Variants in RNGTT observed in about 807,000 individuals in gnomAD.
RNGTT encodes the protein mRNA-capping enzyme.
RNGTT carries 33 observed loss-of-function variants against 79.3 expected under a neutral mutation model. The observed-to-expected ratio is 0.42, with a 90% CI of 0.32 to 0.56. The LOEUF (loss-of-function observed/expected upper bound fraction) is 0.56. Among genes scored for constraint, RNGTT ranks in the 20% least tolerant of loss-of-function variants. The probability of loss-of-function intolerance (pLI) is 0.17; values close to 1 mark genes in which losing one functional copy is unlikely to be tolerated. For missense variants in RNGTT, 497 were observed against 739.1 expected, an observed-to-expected ratio of 0.67 and a Z score of 3.80; for synonymous variants, 222 against 235.9, an observed-to-expected ratio of 0.94 and a Z score of 0.54.
chr6:88,913,210 A>AAAC, intron 4 of RNGTT, among the ~76,000 whole-genome samples: 1 of 132,686 alleles, frequency 7.5e-6, no homozygotes, highest in East Asian at 2.0e-4. Flanking sequence ...GTCTCAAAAA[A>AAAC]AAACAAAAAA....
intron 13 of RNGTT, among the ~76,000 whole-genome samples, chr6:88,764,736 T>C (rs894950450): frequency 6.6e-6 from 1 of 152,180 alleles, no homozygotes. Context: ...CATCTCTCCT[T>C]TCACAAAATT....
rs61433101 is a variant in RNGTT, at chr6:88,651,270, T to C, written c.1506+27083A>G. ...GGGTTCAAGAACTATAATAATATACTATATATGACAATAATGCAATAGAAA... is the reference window on the plus strand; with the variant it reads ...GGGTTCAAGAACTATAATAATATACCATATATGACAATAATGCAATAGAAA... On this transcript the variant is annotated intron_variant, in intron 14 of 15. Transcript: ENST00000369485. Among the ~76,000 whole-genome samples the C allele has an allele frequency of 2.9e-3, 443 of 152,260 alleles. 1 individual carries two copies. Among genetic ancestry groups the C allele is most frequent in the African/African-American group, 0.01 (417 of 41,554 alleles).
intron 11 of RNGTT, among the ~76,000 whole-genome samples, chr6:88,806,903 T>C (rs549096478): frequency 3.9e-5 from 6 of 152,316 alleles, no homozygotes; most frequent in Non-Finnish European, 7.3e-5. Flanking sequence ...AATGGAATAC[T>C]ATGCAGCCAC....
Position 88,790,309 on chromosome 6 carries a change from G to C in RNGTT, c.1338+11255C>G, listed in dbSNP as rs115059838. Among the ~76,000 whole-genome samples the C allele has an allele frequency of 2.1e-3, 321 of 152,296 alleles. 1 individual carries two copies. Among genetic ancestry groups the C allele is most frequent in the Middle Eastern group, 6.8e-3 (2 of 294 alleles). On this transcript the variant is annotated intron_variant, in intron 12 of 15. Transcript: ENST00000369485. Reference sequence around the variant, plus strand: ...TAAGGCATAGGACATAAAACAAGGAGACCAGGGAAAGTCTATAGAAGGACC... The same window carrying C: ...TAAGGCATAGGACATAAAACAAGGACACCAGGGAAAGTCTATAGAAGGACC...
chr6:88,753,480 G>A (rs1313137591), intron 13 of RNGTT, among the ~76,000 whole-genome samples: 1 of 151,712 alleles, frequency 6.6e-6, no homozygotes, highest in African/African-American at 2.4e-5. Flanking sequence ...CTCTAGCCTA[G>A]GCAACAGAGT....
chr6:88,702,653 A>G (rs1291292592), intron 13 of RNGTT, among the ~76,000 whole-genome samples: 1 of 152,224 alleles, frequency 6.6e-6, no homozygotes, highest in Non-Finnish European at 1.5e-5. Flanking sequence ...GGCCTTGGGA[A>G]AGAATTTATG....
intron 5 of RNGTT, 123 bp from the exon 6 acceptor site, chr6:88,905,078 A>ATCC: frequency 1.7e-6 from 2 of 1,195,272 alleles, no homozygotes; most frequent in Non-Finnish European, 2.3e-6. Context: ...AAATGGGCAA[A>ATCC]TCACAATCCT....
At chr6:88,792,412 AG>A (rs1779452512) in intron 12 of RNGTT, among the ~76,000 whole-genome samples, 1 of 152,218 alleles carries the variant, frequency 6.6e-6, no homozygotes, top group African/African-American at 2.4e-5. Flanking sequence ...ACTGGTAAAA[AG>A]GAAATTGATG....
chr6:88,643,881 A>G (rs1773423985), intron 14 of RNGTT, among the ~76,000 whole-genome samples: 1 of 152,240 alleles, frequency 6.6e-6, no homozygotes, highest in African/African-American at 2.4e-5. Flanking sequence ...ATGGCACTAA[A>G]TGCCCACAAG....
chr6:88,772,340 G>T (rs1305128373), intron 12 of RNGTT, among the ~76,000 whole-genome samples: 4 of 151,878 alleles, frequency 2.6e-5, no homozygotes, highest in Non-Finnish European at 4.4e-5. Flanking sequence ...GTGTTAAGAT[G>T]TCAATACTCC....
intron 8 of RNGTT, among the ~76,000 whole-genome samples, chr6:88,887,299 A>T (rs545116097): frequency 1.3e-4 from 20 of 152,326 alleles, no homozygotes; most frequent in African/African-American, 4.6e-4. Context: ...TTTAACGACG[A>T]TGGAGTCCAG....
At chr6:88,677,120 A>G (rs981844026) in intron 14 of RNGTT, among the ~76,000 whole-genome samples, 5 of 152,228 alleles carry the variant, frequency 3.3e-5, no homozygotes, top group African/African-American at 1.2e-4. Context: ...AACTAGCGAT[A>G]AGTGCAATAA....
At chr6:88,769,024 G>A (rs998184605) in intron 13 of RNGTT, among the ~76,000 whole-genome samples, 1 of 152,046 alleles carries the variant, frequency 6.6e-6, no homozygotes, top group Non-Finnish European at 1.5e-5. Flanking sequence ...GACTTATTTC[G>A]ATATGCTTAA....
At chr6:88,754,272 A>T (rs982688867) in intron 13 of RNGTT, among the ~76,000 whole-genome samples, 2 of 152,194 alleles carry the variant, frequency 1.3e-5, no homozygotes, top group African/African-American at 4.8e-5. Context: ...AAGATTGGAA[A>T]ATTAGCAAAT....
chr6:88,774,781 G>A (rs986151379), intron 12 of RNGTT, among the ~76,000 whole-genome samples: 4 of 152,062 alleles, frequency 2.6e-5, no homozygotes, highest in Non-Finnish European at 4.4e-5. Context: ...CATGGTGACC[G>A]AAAGTAGATT....
chr6:88,654,761 A>G (rs2127779350), intron 14 of RNGTT, among the ~76,000 whole-genome samples: 1 of 152,292 alleles, frequency 6.6e-6, no homozygotes, highest in Middle Eastern at 3.4e-3. Context: ...GACAAGTCCT[A>G]CCCTGAAGCA....
intron 2 of RNGTT, among the ~76,000 whole-genome samples, chr6:88,930,484 TA>T (rs1308653877): frequency 1.3e-5 from 2 of 151,844 alleles, no homozygotes; most frequent in Non-Finnish European, 2.9e-5. Context: ...GGAAAAAGAT[TA>T]AAAAATTAAA....
In RNGTT at chr6:88,929,091, GT is replaced by G; in HGVS notation, c.279-19del. 2 of 1,598,048 alleles carry G rather than the reference GT, an allele frequency of 1.3e-6. No individual in the cohort carries two copies. Among genetic ancestry groups the G allele is most frequent in the East Asian group, 2.2e-5 (1 of 44,660 alleles). On this transcript the variant is annotated intron_variant, in intron 3 of 15. Transcript: ENST00000369485. ...CACCATGTCTAGTAATATAGAAAAA[GT>G]TTTTTTGAAAAAAGAGATTACAAAT...
In RNGTT at chr6:88,921,907, C is replaced by T. The variant is rs535831482; in HGVS notation, c.367+7078G>A. 5.1e-4 allele frequency among the ~76,000 whole-genome samples: 77 copies of T among 152,072 alleles called. 1 individual carries two copies. The highest frequency in any genetic ancestry group is 1.0e-3 in the Non-Finnish European group (68 of 68,010). On this transcript the variant is annotated intron_variant, in intron 4 of 15. Coordinates refer to ENST00000369485, the MANE Select transcript of RNGTT (RefSeq NM_003800.5). ...ATACCTAGAGGTGATTCAAAGAAAACGGCAGGATGTTCATAGGTCATATGC... is the reference window on the plus strand; with the variant it reads ...ATACCTAGAGGTGATTCAAAGAAAATGGCAGGATGTTCATAGGTCATATGC...
Sources: allele counts gnomAD v4.1 joint callset (sites outside exome capture counted in the v4.1 genomes callset), GRCh38; gene constraint gnomAD v4.1.1; transcripts MANE v1.5; gene names NCBI Gene and HGNC (gene_info 2026-07-23, HGNC 2026-07-21).